KCNMA1: variants seen among roughly 807,000 people sequenced by gnomAD.
KCNMA1 encodes the protein Calcium-activated potassium channel subunit alpha-1.
In KCNMA1, 29 loss-of-function variants were observed where a neutral mutation model predicts 140.0. That is an observed-to-expected ratio of 0.21 (90% CI 0.15 to 0.28). The LOEUF (loss-of-function observed/expected upper bound fraction) is 0.28. Among genes scored for constraint, KCNMA1 ranks in the 10% least tolerant of loss-of-function variants. The probability of loss-of-function intolerance (pLI) is 1.00; values close to 1 mark genes in which losing one functional copy is unlikely to be tolerated. For synonymous variants in KCNMA1, 612 were observed against 611.9 expected (o/e 1.00, Z 0.00); for missense variants, 880 against 1,602.2 (o/e 0.55, Z 7.70).
At chr10:77,186,704 T>A (rs566500901) in intron 3 of KCNMA1, among the ~76,000 whole-genome samples, 1 of 152,014 alleles carries the variant, frequency 6.6e-6, no homozygotes, top group Admixed American at 6.6e-5. Context: ...AGGAACTAGG[T>A]TGACCAGAAA....
At chr10:77,324,981 G>C (rs370380555) in intron 2 of KCNMA1, among the ~76,000 whole-genome samples, 3,953 of 100,482 alleles carry the variant, frequency 0.039, 81 homozygotes, top group Middle Eastern at 0.082. Context: ...CTGTGTGTGT[G>C]TGTGTGTGTG....
intron 2 of KCNMA1, among the ~76,000 whole-genome samples, chr10:77,379,015 G>A (rs1272928709): frequency 1.3e-5 from 2 of 152,124 alleles, no homozygotes; most frequent in Non-Finnish European, 2.9e-5. Flanking sequence ...ACATTTTGAC[G>A]CCCTTGGTAA....
At chr10:77,162,043 A>G (rs752443972) in intron 5 of KCNMA1, among the ~76,000 whole-genome samples, 1 of 152,118 alleles carries the variant, frequency 6.6e-6, no homozygotes, top group Non-Finnish European at 1.5e-5. Context: ...TTTTTTTCCT[A>G]GATATCAAGA....
At chr10:77,544,178 G>C in intron 1 of KCNMA1, among the ~76,000 whole-genome samples, 1 of 151,766 alleles carries the variant, frequency 6.6e-6, no homozygotes, top group Non-Finnish European at 1.5e-5. Context: ...GTGTGTGTGT[G>C]TGTGTGTGTG....
chr10:77,591,686 A>G (rs542922218), intron 1 of KCNMA1, among the ~76,000 whole-genome samples: 1 of 152,324 alleles, frequency 6.6e-6, no homozygotes, highest in South Asian at 2.1e-4. Flanking sequence ...TGTGTTTTAC[A>G]TGCAATCCCT....
At chr10:76,869,778 C>G (rs2151335673) in exon 28 of KCNMA1, 1 of 152,744 alleles carries the variant, frequency 6.5e-6, no homozygotes, top group East Asian at 1.9e-4. Context: ...CAATTCCTGT[C>G]AGGTCAGAGT....
intron 2 of KCNMA1, among the ~76,000 whole-genome samples, chr10:77,300,156 C>A (rs1161961609): frequency 6.6e-6 from 1 of 152,250 alleles, no homozygotes; most frequent in Non-Finnish European, 1.5e-5. Flanking sequence ...AGCCAGTGGA[C>A]AGGACGCCCC....
chr10:76,891,578 G>C lies in KCNMA1; in HGVS notation c.3289C>G (p.Arg1097Gly). The change falls in exon 26 of 28, where the codon CGC (arginine) becomes GGC (glycine). Residue 1097 changes from arginine (R) to glycine (G), a missense_variant. By Grantham distance (125) the Arg-to-Gly change is moderately radical. Around this residue, in one of 13 missense-constraint regions of KCNMA1, gnomAD observed 31 missense variants for 38.8 expected, o/e 0.80. Coordinates refer to ENST00000286628, the MANE Select transcript of KCNMA1 (RefSeq NM_001161352.2). ...AGAGCTAACTGGGCCACGCGGCAGCGGTCCCTATTGGCCAGTGTCTGCGGG... is the reference window on the plus strand; with the variant it reads ...AGAGCTAACTGGGCCACGCGGCAGCCGTCCCTATTGGCCAGTGTCTGCGGG... ...STPQTLANRDRCRVAQLALLD... is the reference protein window; with the variant it reads ...STPQTLANRDGCRVAQLALLD... The C allele has an allele frequency of 6.2e-7, 1 of 1,613,906 alleles. No individual in the cohort carries two copies. The highest frequency in any genetic ancestry group is 8.5e-7 in the Non-Finnish European group (1 of 1,180,018).
intron 2 of KCNMA1, among the ~76,000 whole-genome samples, chr10:77,371,185 C>G (rs2094683803): frequency 6.6e-6 from 1 of 152,168 alleles, no homozygotes; most frequent in Admixed American, 6.5e-5. Flanking sequence ...TATTTTGTTT[C>G]CCTTCTATTT....
intron 3 of KCNMA1, among the ~76,000 whole-genome samples, chr10:77,205,161 T>C (rs559768091): frequency 2.6e-5 from 4 of 152,208 alleles, no homozygotes; most frequent in African/African-American, 4.8e-5. Context: ...CACAAACTTA[T>C]TGGTTCTATA....
At chr10:77,328,115 T>C (rs1302334113) in intron 2 of KCNMA1, among the ~76,000 whole-genome samples, 1 of 152,202 alleles carries the variant, frequency 6.6e-6, no homozygotes, top group African/African-American at 2.4e-5. Flanking sequence ...GTGTCTCATT[T>C]TCTTCATCTA....
intron 2 of KCNMA1, among the ~76,000 whole-genome samples, chr10:77,319,800 C>T (rs1397398195): frequency 1.3e-5 from 2 of 152,348 alleles, no homozygotes; most frequent in East Asian, 3.9e-4. Context: ...AAGTTTCCAT[C>T]AATCTGGTTT....
chr10:77,340,526 C>T (rs1046379041), intron 2 of KCNMA1, among the ~76,000 whole-genome samples: 5 of 152,080 alleles, frequency 3.3e-5, no homozygotes, highest in African/African-American at 1.2e-4. Context: ...GAACACTATG[C>T]AGCCATAAAA....
At chr10:77,593,177 C>T (rs938456105) in intron 1 of KCNMA1, among the ~76,000 whole-genome samples, 5 of 152,122 alleles carry the variant, frequency 3.3e-5, no homozygotes, top group African/African-American at 7.2e-5. Context: ...GACTAAGGAT[C>T]AACGTCCCAC....
intron 2 of KCNMA1, among the ~76,000 whole-genome samples, chr10:77,285,821 C>T (rs2070626229): frequency 6.6e-6 from 1 of 152,182 alleles, no homozygotes; most frequent in South Asian, 2.1e-4. Flanking sequence ...GCTTCCTCAT[C>T]TTTAAAGGAA....
chr10:77,415,243 TG>T (rs2096714258), intron 1 of KCNMA1, among the ~76,000 whole-genome samples: 1 of 152,220 alleles, frequency 6.6e-6, no homozygotes, highest in African/African-American at 2.4e-5. Context: ...TCCTGGCCAA[TG>T]TGCCGTATTT....
chr10:77,179,640 G>A (rs918688163), intron 5 of KCNMA1, among the ~76,000 whole-genome samples: 1 of 151,878 alleles, frequency 6.6e-6, no homozygotes, highest in Non-Finnish European at 1.5e-5. Flanking sequence ...TCATTCAAGG[G>A]GTAAGGACAC....
chr10:77,536,410 T>C (rs2058893552), intron 1 of KCNMA1, among the ~76,000 whole-genome samples: 1 of 152,328 alleles, frequency 6.6e-6, no homozygotes, highest in Non-Finnish European at 1.5e-5. Context: ...TTCCCAGTGT[T>C]GGGAGAATTC....
chr10:77,532,840 C>T (rs2058002968), intron 1 of KCNMA1, among the ~76,000 whole-genome samples: 1 of 152,114 alleles, frequency 6.6e-6, no homozygotes, highest in South Asian at 2.1e-4. Context: ...TTTGCCAAAA[C>T]CTTCCTATTG....
Sources: allele counts gnomAD v4.1 joint callset (sites outside exome capture counted in the v4.1 genomes callset), GRCh38; gene constraint gnomAD v4.1.1; regional missense constraint gnomAD v4.1.1; transcripts MANE v1.5; gene names NCBI Gene and HGNC (gene_info 2026-07-23, HGNC 2026-07-21).